GRIP1: variants seen among roughly 807,000 people sequenced by gnomAD.
The protein encoded by GRIP1 is glutamate receptor interacting protein 1.
GRIP1 carries 45 observed loss-of-function variants against 129.9 expected under a neutral mutation model. The ratio of observed to expected loss-of-function variants is 0.35; its 90% CI spans 0.27 to 0.44. GRIP1 has a LOEUF of 0.44. Among genes scored for constraint, GRIP1 ranks in the 20% least tolerant of loss-of-function variants. The pLI, the probability that GRIP1 is intolerant of heterozygous loss-of-function variation, is 1.00. For missense variants in GRIP1, 1,196 were observed against 1,396.8 expected (o/e 0.86, Z 2.29); for synonymous variants, 530 against 520.8 (o/e 1.02, Z -0.24).
chr12:67,058,858 T>C (rs2043481477), intron 1 of GRIP1, among the ~76,000 whole-genome samples: 1 of 152,108 alleles, frequency 6.6e-6, no homozygotes, highest in South Asian at 2.1e-4. Context: ...TTCAAGAAAC[T>C]TAAACCACTT....
intron 1 of GRIP1, among the ~76,000 whole-genome samples, chr12:66,698,969 C>T (rs2035258257): frequency 6.6e-6 from 1 of 152,178 alleles, no homozygotes; most frequent in South Asian, 2.1e-4. Flanking sequence ...AGTTCTCAGT[C>T]ATGCAGCAGG....
At chr12:67,038,558 G>T (rs1649935825) in intron 1 of GRIP1, among the ~76,000 whole-genome samples, 1 of 152,138 alleles carries the variant, frequency 6.6e-6, no homozygotes, top group Non-Finnish European at 1.5e-5. Flanking sequence ...TCTACTAACT[G>T]CCTTTGAGTT....
At chr12:66,823,665 C>A (rs1168264396) in intron 1 of GRIP1, among the ~76,000 whole-genome samples, 1 of 152,106 alleles carries the variant, frequency 6.6e-6, no homozygotes, top group African/African-American at 2.4e-5. Context: ...AGAATTTACT[C>A]AGTAAACACC....
chr12:66,569,025 C>T (rs2062863132), intron 2 of GRIP1: 1 of 428,400 alleles, frequency 2.3e-6, no homozygotes. Flanking sequence ...CAGCATTATT[C>T]TGGTCTTCAG....
At chr12:66,470,177 T>A (rs1402663725) in intron 7 of GRIP1, among the ~76,000 whole-genome samples, 3 of 152,164 alleles carry the variant, frequency 2.0e-5, no homozygotes, top group Non-Finnish European at 4.4e-5. Context: ...ATCACGTTAA[T>A]CCCAAGCTTA....
At chr12:66,781,556 C>T (rs542596191) in intron 1 of GRIP1, among the ~76,000 whole-genome samples, 1 of 152,280 alleles carries the variant, frequency 6.6e-6, no homozygotes, top group East Asian at 1.9e-4. Flanking sequence ...TAGAGTTCTG[C>T]AAACATCTCC....
chr12:66,666,817 T>C (rs960487717), intron 1 of GRIP1, among the ~76,000 whole-genome samples: 3 of 152,180 alleles, frequency 2.0e-5, no homozygotes, highest in Non-Finnish European at 4.4e-5. Context: ...ATGTATTTAT[T>C]TTATGCTCAC....
chr12:66,570,734 T>C (rs536759914), intron 2 of GRIP1, among the ~76,000 whole-genome samples: 1 of 152,338 alleles, frequency 6.6e-6, no homozygotes, highest in East Asian at 1.9e-4. Flanking sequence ...CATATGGTTT[T>C]GTCAAATTCG....
chr12:66,906,350 C>A (rs10878527), intron 1 of GRIP1, among the ~76,000 whole-genome samples: 39,463 of 151,946 alleles, frequency 0.26, 5,539 homozygotes, highest in East Asian at 0.45. Context: ...GGGAGAATCA[C>A]CTGAGCCCAG....
intron 7 of GRIP1, among the ~76,000 whole-genome samples, chr12:66,513,191 T>C (rs184999558): frequency 3.9e-5 from 6 of 152,274 alleles, no homozygotes; most frequent in Admixed American, 3.9e-4. Flanking sequence ...CTCTTTATTA[T>C]CCCATGTTAA....
intron 2 of GRIP1, among the ~76,000 whole-genome samples, chr12:66,550,993 G>C (rs1235472215): frequency 6.6e-6 from 1 of 152,182 alleles, no homozygotes; most frequent in Admixed American, 6.5e-5. Flanking sequence ...ATTTTCACTT[G>C]TAAGCTATTA....
chr12:66,714,082 C>T (rs1453643804), intron 1 of GRIP1, among the ~76,000 whole-genome samples: 1 of 151,922 alleles, frequency 6.6e-6, no homozygotes, highest in African/African-American at 2.4e-5. Flanking sequence ...AAATTTCTTA[C>T]CAGATGTCTT....
chr12:66,827,377 TGTGTGTGTGTGA>T (rs1248966315), intron 1 of GRIP1, among the ~76,000 whole-genome samples: 4 of 103,174 alleles, frequency 3.9e-5, no homozygotes, highest in Admixed American at 3.6e-4. Context: ...TGTGTGTGTG[TGTGTGTGTGTGA>T]GAGAGAGAGA....
chr12:67,011,801 C>G (rs986841187), intron 1 of GRIP1, among the ~76,000 whole-genome samples: 1 of 152,158 alleles, frequency 6.6e-6, no homozygotes, highest in Non-Finnish European at 1.5e-5. Context: ...GGCAAGGGGT[C>G]AGCAACATTT....
intron 5 of GRIP1, among the ~76,000 whole-genome samples, chr12:66,527,336 C>T (rs1308171770): frequency 2.0e-5 from 3 of 151,818 alleles, no homozygotes; most frequent in Non-Finnish European, 4.4e-5. Context: ...CCATGGAATA[C>T]TATGCAGCCA....
chr12:66,688,079 G>A (rs2136303838), intron 1 of GRIP1, among the ~76,000 whole-genome samples: 1 of 152,230 alleles, frequency 6.6e-6, no homozygotes, highest in Non-Finnish European at 1.5e-5. Context: ...CATATTCCTG[G>A]AGATGCCATT....
intron 1 of GRIP1, among the ~76,000 whole-genome samples, chr12:66,714,021 C>T (rs1015770594): frequency 1.3e-5 from 2 of 151,970 alleles, no homozygotes; most frequent in Non-Finnish European, 2.9e-5. Flanking sequence ...AGTCAAATTC[C>T]CCACACTGAA....
intron 2 of GRIP1, among the ~76,000 whole-genome samples, chr12:66,570,626 CA>C (rs1347191055): frequency 6.6e-6 from 1 of 152,286 alleles, no homozygotes; most frequent in Non-Finnish European, 1.5e-5. Flanking sequence ...AATAATGCTG[CA>C]CAGGCTAAGT....
intron 1 of GRIP1, among the ~76,000 whole-genome samples, chr12:67,051,963 T>G (rs1057221123): frequency 6.6e-6 from 1 of 152,198 alleles, no homozygotes; most frequent in Admixed American, 6.5e-5. Context: ...ATGAAGTCAC[T>G]GACAGGAAGA....
Sources: gnomAD v4.1 joint callset for allele counts (sites outside exome capture counted in the v4.1 genomes callset) on GRCh38, gnomAD v4.1.1 for gene constraint, MANE v1.5 for transcripts, NCBI Gene and HGNC (gene_info 2026-07-23, HGNC 2026-07-21) for gene names.